RASGEF1A: variants seen among roughly 807,000 people sequenced by gnomAD.
RASGEF1A encodes ras-GEF domain-containing family member 1A.
RASGEF1A carries 18 observed loss-of-function variants against 56.4 expected under a neutral mutation model. The ratio of observed to expected loss-of-function variants is 0.32; its 90% CI spans 0.22 to 0.47. RASGEF1A has a LOEUF of 0.47. RASGEF1A is among the 20% of genes least tolerant of loss of function. The probability of loss-of-function intolerance (pLI) is 1.00; values close to 1 mark genes in which losing one functional copy is unlikely to be tolerated. For synonymous variants in RASGEF1A, 245 were observed against 242.6 expected, an observed-to-expected ratio of 1.01 and a Z score of -0.09; for missense variants, 422 against 627.1, an observed-to-expected ratio of 0.67 and a Z score of 3.49.
intron 1 of RASGEF1A, among the ~76,000 whole-genome samples, chr10:43,250,820 A>G (rs1245065233): frequency 1.3e-5 from 2 of 152,144 alleles, no homozygotes; most frequent in Admixed American, 6.5e-5. Flanking sequence ...TCCCAGCTGG[A>G]AGGGGCAGAG....
At chr10:43,230,968 T>C (rs1291160145) in intron 1 of RASGEF1A, among the ~76,000 whole-genome samples, 1 of 152,214 alleles carries the variant, frequency 6.6e-6, no homozygotes, top group Non-Finnish European at 1.5e-5. Flanking sequence ...TGCTGCCCTC[T>C]CACCAGCTCT....
intron 1 of RASGEF1A, among the ~76,000 whole-genome samples, chr10:43,209,708 T>G (rs1007398308): frequency 1.3e-5 from 2 of 152,000 alleles, no homozygotes; most frequent in African/African-American, 4.8e-5. Flanking sequence ...TAGGCAGAGA[T>G]AGGGCTGTGG....
chr10:43,213,447 GA>G (rs1226775667), intron 1 of RASGEF1A, among the ~76,000 whole-genome samples: 4 of 152,328 alleles, frequency 2.6e-5, no homozygotes, highest in African/African-American at 9.6e-5. Context: ...AGGGTGAGAA[GA>G]GGGGAGGGGG....
chr10:43,200,325 T>TAG, intron 5 of RASGEF1A, 69 bp from the exon 6 acceptor site: 3 of 1,384,254 alleles, frequency 2.2e-6, no homozygotes, highest in Non-Finnish European at 3.0e-6. Context: ...TGCATAGGCA[T>TAG]GCGGACAGGG....
intron 1 of RASGEF1A, among the ~76,000 whole-genome samples, chr10:43,266,488 G>A (rs1836626022): frequency 6.6e-6 from 1 of 151,608 alleles, no homozygotes; most frequent in African/African-American, 2.4e-5. Flanking sequence ...CCAGGCCCCG[G>A]GCAGCGAACC....
intron 1 of RASGEF1A, chr10:43,208,261 G>T (rs1433359078): frequency 1.0e-5 from 10 of 985,370 alleles, no homozygotes; most frequent in Non-Finnish European, 1.2e-5. Context: ...CGAGCCACTG[G>T]CCTCTCCCAC....
chr10:43,219,663 G>T (rs1313480796), intron 1 of RASGEF1A, among the ~76,000 whole-genome samples: 1 of 152,228 alleles, frequency 6.6e-6, no homozygotes, highest in Non-Finnish European at 1.5e-5. Context: ...GAGCGGGCAG[G>T]GTCAGGGCTG....
chr10:43,262,093 C>T (rs1357367424), intron 1 of RASGEF1A, among the ~76,000 whole-genome samples: 1 of 152,124 alleles, frequency 6.6e-6, no homozygotes, highest in African/African-American at 2.4e-5. Context: ...TTTGGCGGGT[C>T]TGGGTACCAG....
intron 1 of RASGEF1A, among the ~76,000 whole-genome samples, chr10:43,254,968 C>T (rs917019839): frequency 4.6e-5 from 7 of 152,096 alleles, no homozygotes; most frequent in African/African-American, 1.2e-4. Context: ...CTGACACACT[C>T]GGCTGGGAAC....
chr10:43,215,926 G>A (rs993586205), intron 1 of RASGEF1A, among the ~76,000 whole-genome samples: 3 of 152,216 alleles, frequency 2.0e-5, no homozygotes, highest in Non-Finnish European at 2.9e-5. Context: ...GGCCTCAGCC[G>A]ACTGGAAGGA....
chr10:43,252,999 G>A (rs1366082515), intron 1 of RASGEF1A, among the ~76,000 whole-genome samples: 3 of 152,122 alleles, frequency 2.0e-5, no homozygotes, highest in African/African-American at 4.8e-5. Context: ...CAGGACCAGC[G>A]AGTTCAAAGG....
chr10:43,222,072 C>A (rs1209112669), intron 1 of RASGEF1A, among the ~76,000 whole-genome samples: 1 of 152,216 alleles, frequency 6.6e-6, no homozygotes, highest in East Asian at 1.9e-4. Context: ...CCACTACACA[C>A]CCAGGCTCCG....
At chr10:43,225,214 G>A (rs1840259366) in intron 1 of RASGEF1A, among the ~76,000 whole-genome samples, 1 of 110,788 alleles carries the variant, frequency 9.0e-6, no homozygotes, top group South Asian at 3.2e-4. Context: ...GCATGTGCCT[G>A]CATGTGTCTG....
chr10:43,264,513 G>T (rs1836589632), intron 1 of RASGEF1A, among the ~76,000 whole-genome samples: 1 of 151,734 alleles, frequency 6.6e-6, no homozygotes, highest in Non-Finnish European at 1.5e-5. Flanking sequence ...CCCCAGCAGG[G>T]AGTGGGCAGG....
chr10:43,255,448 C>T (rs933286044), intron 1 of RASGEF1A, among the ~76,000 whole-genome samples: 5 of 152,178 alleles, frequency 3.3e-5, no homozygotes, highest in Non-Finnish European at 5.9e-5. Flanking sequence ...AGGCTGGGGA[C>T]AGCTGCCCCC....
intron 1 of RASGEF1A, among the ~76,000 whole-genome samples, chr10:43,233,916 GA>G (rs1840401383): frequency 6.6e-6 from 1 of 152,192 alleles, no homozygotes; most frequent in Admixed American, 6.5e-5. Context: ...TCACTCAATG[GA>G]ACGCTCCAGG....
intron 1 of RASGEF1A, among the ~76,000 whole-genome samples, chr10:43,223,146 C>T (rs899099947): frequency 3.3e-5 from 5 of 152,118 alleles, no homozygotes; most frequent in Non-Finnish European, 2.9e-5. Flanking sequence ...GAAAATATTG[C>T]AGTGCATGCT....
In RASGEF1A at chr10:43,196,575, C is replaced by G; in HGVS notation, c.1349-27G>C. On this transcript the variant is annotated intron_variant, in intron 11 of 12. Coordinates refer to ENST00000395810, the MANE Select transcript of RASGEF1A (RefSeq NM_145313.4). This position sits in a 1 kb window ranked among gnomAD's most constrained non-coding sequence, Gnocchi z 4.6. ...TGAGAGATGGGAAAGTCCCTCAGAG[C>G]CTGTGTCCCCATGCAGTGTCTGCCT... 1 of 1,603,720 alleles carries G rather than the reference C, an allele frequency of 6.2e-7. No individual in the cohort carries two copies. Among genetic ancestry groups the G allele is most frequent in the Non-Finnish European group, 8.5e-7 (1 of 1,173,114 alleles).
chr10:43,198,889 G>T (rs779750117), intron 9 of RASGEF1A, 44 bp downstream of exon 9: 1 of 1,575,962 alleles, frequency 6.3e-7, no homozygotes, highest in East Asian at 2.3e-5. Flanking sequence ...ATTGCGGGAC[G>T]AAATGGGTGC....
Sources: gnomAD v4.1 joint callset for allele counts (sites outside exome capture counted in the v4.1 genomes callset) on GRCh38, gnomAD v4.1.1 for gene constraint, Gnocchi (gnomAD v3.1) non-coding constraint, MANE v1.5 for transcripts, NCBI Gene and HGNC (gene_info 2026-07-23, HGNC 2026-07-21) for gene names.